Variants in PATJ observed in about 807,000 individuals in gnomAD.
The protein encoded by PATJ is inaD-like protein.
A neutral mutation model predicts 224.9 loss-of-function variants in PATJ; 190 were observed. The ratio of observed to expected loss-of-function variants is 0.84; its 90% CI spans 0.75 to 0.95. The LOEUF (loss-of-function observed/expected upper bound fraction) is 0.95, where lower values mean the gene tolerates loss of function less well. Among genes scored for constraint, PATJ ranks in the 40% least tolerant of loss-of-function variants. The pLI is 0.00. For synonymous variants in PATJ, 769 were observed against 820.3 expected, an observed-to-expected ratio of 0.94 and a Z score of 1.07; for missense variants, 2,121 against 2,270.3, an observed-to-expected ratio of 0.93 and a Z score of 1.34.
At position 61,808,548 on chromosome 1, in the gene PATJ, CAA is replaced by C. The variant is rs1263581271; in HGVS notation, c.1683+20_1683+21del. On this transcript the variant is annotated intron_variant, in intron 14 of 43. Coordinates refer to ENST00000642238, the MANE Select transcript of PATJ (RefSeq NM_001350145.3). ...ATTCAAAGGTAAGCATTTTTTATAA[CAA>C]AGTTAACAGTTTTATTTTTTTTAAG... 6 of 1,533,880 alleles carry C rather than the reference CAA, an allele frequency of 3.9e-6. No homozygotes were observed. The African/African-American group carries it at 8.2e-5, about 21-fold the overall frequency.
At chr1:61,921,442 A>T (rs553028633) in intron 26 of PATJ, among the ~76,000 whole-genome samples, 1 of 152,340 alleles carries the variant, frequency 6.6e-6, no homozygotes, top group African/African-American at 2.4e-5. Context: ...GACACCTATT[A>T]ATAAGCATAG....
intron 27 of PATJ, among the ~76,000 whole-genome samples, chr1:61,948,664 C>T (rs188598745): frequency 6.6e-6 from 1 of 152,278 alleles, no homozygotes; most frequent in Non-Finnish European, 1.5e-5. Flanking sequence ...GGTGATTCCT[C>T]AAGGATTTTG....
intron 4 of PATJ, 64 bp downstream of exon 4, chr1:61,766,537 A>G: frequency 1.8e-6 from 2 of 1,102,820 alleles, no homozygotes; most frequent in Non-Finnish European, 1.3e-6. Context: ...TTTACAAAGG[A>G]GCTTATACTC....
At chr1:62,094,558 AACAC>A (rs58104906) in intron 33 of PATJ, among the ~76,000 whole-genome samples, 8,790 of 132,320 alleles carry the variant, frequency 0.066, 319 homozygotes, top group East Asian at 0.15. Context: ...ATTCTGTCTC[AACAC>A]ACACACACAC....
chr1:62,113,717 T>C (rs1664120334), intron 34 of PATJ, among the ~76,000 whole-genome samples: 1 of 152,242 alleles, frequency 6.6e-6, no homozygotes, highest in Non-Finnish European at 1.5e-5. Context: ...TAAACATTAA[T>C]AGTTATTTCC....
intron 1 of PATJ, among the ~76,000 whole-genome samples, chr1:61,760,159 A>G (rs1055863124): frequency 2.0e-5 from 3 of 152,184 alleles, no homozygotes; most frequent in Admixed American, 6.5e-5. Flanking sequence ...TAAGAGTTGT[A>G]CAGTTGAGAT....
intron 1 of PATJ, among the ~76,000 whole-genome samples, chr1:61,755,055 G>T (rs1645555597): frequency 6.6e-6 from 1 of 151,884 alleles, no homozygotes; most frequent in Non-Finnish European, 1.5e-5. Context: ...ATCCCTGGGG[G>T]ATTACACTTT....
chr1:61,983,027 G>T (rs549680072), intron 27 of PATJ, among the ~76,000 whole-genome samples: 2 of 151,544 alleles, frequency 1.3e-5, no homozygotes, highest in East Asian at 1.9e-4. Context: ...TTCATTCTGT[G>T]GTCTTATTTC....
At chr1:61,747,890 G>A (rs949561272) in intron 1 of PATJ, among the ~76,000 whole-genome samples, 1 of 152,208 alleles carries the variant, frequency 6.6e-6, no homozygotes, top group Admixed American at 6.5e-5. Flanking sequence ...CAGATTTCAT[G>A]TAAAAAGGAA....
intron 20 of PATJ, among the ~76,000 whole-genome samples, chr1:61,873,432 G>A (rs996401554): frequency 6.6e-6 from 1 of 152,162 alleles, no homozygotes; most frequent in Non-Finnish European, 1.5e-5. Flanking sequence ...GCCTCCCAAA[G>A]TGCTGGGATT....
intron 27 of PATJ, among the ~76,000 whole-genome samples, chr1:61,943,860 C>T (rs181829962): frequency 2.5e-4 from 38 of 152,226 alleles, no homozygotes; most frequent in Admixed American, 1.2e-3. Context: ...ACACCTCATA[C>T]GGCTGGGTGC....
chr1:61,861,018 T>C (rs1664452168), intron 18 of PATJ, among the ~76,000 whole-genome samples: 1 of 151,434 alleles, frequency 6.6e-6, no homozygotes, highest in Admixed American at 6.6e-5. Flanking sequence ...ATTAATGTAT[T>C]AATTAATATA....
chr1:61,803,461 G>A (rs140051614), intron 12 of PATJ, among the ~76,000 whole-genome samples: 45 of 152,098 alleles, frequency 3.0e-4, no homozygotes, highest in African/African-American at 7.9e-4. Context: ...TCAATATAAC[G>A]GTCTTGGCAT....
intron 9 of PATJ, among the ~76,000 whole-genome samples, chr1:61,793,751 C>T (rs1650399784): frequency 6.7e-6 from 1 of 149,692 alleles, no homozygotes; most frequent in African/African-American, 2.5e-5. Flanking sequence ...CCTGGTGTGT[C>T]CAGACTTTTA....
chr1:61,797,660 C>G (rs763125693), intron 11 of PATJ, among the ~76,000 whole-genome samples: 2 of 152,330 alleles, frequency 1.3e-5, no homozygotes, highest in Non-Finnish European at 2.9e-5. Context: ...CTGAGAGCAT[C>G]TCTAAATGGA....
intron 7 of PATJ, among the ~76,000 whole-genome samples, chr1:61,775,651 G>A (rs1179041892): frequency 6.6e-6 from 1 of 152,034 alleles, no homozygotes; most frequent in African/African-American, 2.4e-5. Flanking sequence ...TTCTCCTCTA[G>A]TGTGTCTTTC....
rs1649712257 is a variant in PATJ at position 62,033,446 on chromosome 1, C to T, written c.3960-4531C>T. On this transcript the variant is annotated intron_variant, in intron 29 of 43. Transcript: ENST00000642238. ...TGTCAGCAGAAGGGAATTCTGAACCCCTGTTTATCCTTGAGCATTCCCGTT... is the reference window on the plus strand; with the variant it reads ...TGTCAGCAGAAGGGAATTCTGAACCTCTGTTTATCCTTGAGCATTCCCGTT... Among the ~76,000 whole-genome samples the T allele has an allele frequency of 2.6e-5, 4 of 152,246 alleles. No homozygotes were observed. The South Asian group carries it at 8.3e-4, about 32-fold the overall frequency.
chr1:61,914,551 G>A (rs11585422), intron 25 of PATJ, 36 bp from the exon 26 acceptor site: 17 of 1,028,726 alleles, frequency 1.7e-5, no homozygotes, highest in East Asian at 7.4e-5. Flanking sequence ...TCGTTTAAAC[G>A]TTTTCTTCCC....
chr1:61,783,807 G>A (rs895367654), intron 7 of PATJ, among the ~76,000 whole-genome samples: 1 of 148,622 alleles, frequency 6.7e-6, no homozygotes, highest in African/African-American at 2.5e-5. Flanking sequence ...GAGTGCAGTG[G>A]TATGATTTTG....
Sources: allele counts gnomAD v4.1 joint callset (sites outside exome capture counted in the v4.1 genomes callset), GRCh38; gene constraint gnomAD v4.1.1; transcripts MANE v1.5; gene names NCBI Gene and HGNC (gene_info 2026-07-23, HGNC 2026-07-21).